UBR3: variants seen among roughly 807,000 people sequenced by gnomAD.
The protein encoded by UBR3 is ubiquitin protein ligase E3 component n-recognin 3, also known as E3 ubiquitin-protein ligase UBR3.
In UBR3, 85 loss-of-function variants were observed where a neutral mutation model predicts 243.2. The observed-to-expected ratio is 0.35, with a 90% CI of 0.29 to 0.42. The LOEUF is 0.42. Ranked by LOEUF, UBR3 falls within the 10% of genes least tolerant of loss-of-function variation. UBR3 has a pLI of 1.00. For synonymous variants in UBR3, 748 were observed against 799.8 expected, an observed-to-expected ratio of 0.94 and a Z score of 1.09; for missense variants, 1,686 against 2,300.8, an observed-to-expected ratio of 0.73 and a Z score of 5.47.
intron 5 of UBR3, among the ~76,000 whole-genome samples, chr2:169,888,109 CTTTATTTATTTATTTATTTATTTA>C (rs139609742): frequency 7.9e-5 from 11 of 138,692 alleles, no homozygotes; most frequent in Admixed American, 1.5e-4. Flanking sequence ...TGTGTTATGA[CTTTATTTATTTATTTATTTATTTA>C]TTTATTTATT....
At chr2:169,940,519 CAT>C (rs374058347) in intron 19 of UBR3, among the ~76,000 whole-genome samples, 2 of 152,224 alleles carry the variant, frequency 1.3e-5, no homozygotes, top group Non-Finnish European at 2.9e-5. Flanking sequence ...TTGCATTCTA[CAT>C]AGTCAATTTT....
chr2:169,837,352 T>C (rs1423239279), intron 1 of UBR3, among the ~76,000 whole-genome samples: 4 of 152,184 alleles, frequency 2.6e-5, no homozygotes, highest in African/African-American at 9.7e-5. Context: ...GGCGTGTGGC[T>C]GTAATCCCAG....
chr2:169,890,570 T>C (rs1289350359), intron 5 of UBR3, among the ~76,000 whole-genome samples: 1 of 108,458 alleles, frequency 9.2e-6, no homozygotes, highest in South Asian at 2.9e-4. Context: ...TATATGTGTA[T>C]ATATATATAT....
intron 32 of UBR3, among the ~76,000 whole-genome samples, chr2:170,047,130 G>A (rs2091107308): frequency 6.6e-6 from 1 of 151,932 alleles, no homozygotes; most frequent in Admixed American, 6.6e-5. Flanking sequence ...CATGTAGTTG[G>A]GACCACAGGT....
chr2:170,076,306 C>T (rs1168763354), intron 36 of UBR3, among the ~76,000 whole-genome samples: 1 of 152,218 alleles, frequency 6.6e-6, no homozygotes, highest in Non-Finnish European at 1.5e-5. Flanking sequence ...TAGTGGCCCA[C>T]TACTTTCACA....
At chr2:169,930,993 A>G (rs2086100699) in intron 18 of UBR3, among the ~76,000 whole-genome samples, 1 of 152,134 alleles carries the variant, frequency 6.6e-6, no homozygotes, top group African/African-American at 2.4e-5. Flanking sequence ...TTCCATTGCT[A>G]AGGTTGTGCA....
chr2:170,075,072 G>C (rs191053721), intron 36 of UBR3, among the ~76,000 whole-genome samples: 4 of 152,166 alleles, frequency 2.6e-5, no homozygotes, highest in Admixed American at 1.3e-4. Flanking sequence ...TGTCAGACTA[G>C]GTTTCATTTT....
intron 5 of UBR3, among the ~76,000 whole-genome samples, chr2:169,885,274 G>T (rs921873198): frequency 6.6e-6 from 1 of 152,090 alleles, no homozygotes; most frequent in African/African-American, 2.4e-5. Context: ...TATAGAGTAG[G>T]AATTGTAACA....
At chr2:169,960,060 G>A (rs2087493664) in intron 24 of UBR3, among the ~76,000 whole-genome samples, 1 of 151,990 alleles carries the variant, frequency 6.6e-6, no homozygotes, top group Non-Finnish European at 1.5e-5. Context: ...AGACCAGCCT[G>A]ACCAACATGG....
chr2:169,850,801 G>A (rs1043498346), intron 1 of UBR3, among the ~76,000 whole-genome samples: 11 of 151,088 alleles, frequency 7.3e-5, no homozygotes, highest in East Asian at 5.8e-4. Context: ...CTGAGATTGC[G>A]CCACTCCACT....
chr2:169,857,585 GTT>G (rs55952322), intron 1 of UBR3, among the ~76,000 whole-genome samples: 49 of 143,376 alleles, frequency 3.4e-4, no homozygotes, highest in South Asian at 6.7e-4. Context: ...TCTGACTAAT[GTT>G]TTTTTTTTTT....
At chr2:169,836,035 CTCTCTCTCTATATA>C (rs1419727312) in intron 1 of UBR3, among the ~76,000 whole-genome samples, 24 of 16,284 alleles carry the variant, frequency 1.5e-3, no homozygotes, top group Admixed American at 4.2e-3. Context: ...CTCTCTCTCT[CTCTCTCTCTATATA>C]TATATATATA....
intron 30 of UBR3, among the ~76,000 whole-genome samples, chr2:170,017,203 T>TA (rs76143029): frequency 1.9e-3 from 277 of 147,614 alleles, no homozygotes; most frequent in African/African-American, 4.6e-3. Flanking sequence ...GTGGTATTAT[T>TA]AAAAAAAAAA....
chr2:169,853,489 T>G (rs563959595), intron 1 of UBR3, among the ~76,000 whole-genome samples: 1 of 151,984 alleles, frequency 6.6e-6, no homozygotes, highest in East Asian at 1.9e-4. Context: ...CTCACTCTGT[T>G]GCCCAGGCTA....
intron 24 of UBR3, among the ~76,000 whole-genome samples, chr2:169,981,547 TCA>T (rs2088730755): frequency 6.6e-6 from 1 of 152,140 alleles, no homozygotes; most frequent in South Asian, 2.1e-4. Context: ...TGAGAAACTG[TCA>T]CAGTTTCTTC....
intron 19 of UBR3, among the ~76,000 whole-genome samples, chr2:169,936,680 C>A (rs773343516): frequency 6.6e-6 from 1 of 151,986 alleles, no homozygotes; most frequent in Non-Finnish European, 1.5e-5. Context: ...ACTCCCCCCA[C>A]CCCACAACAG....
intron 32 of UBR3, among the ~76,000 whole-genome samples, chr2:170,041,729 G>T (rs2090972502): frequency 6.6e-6 from 1 of 152,124 alleles, no homozygotes; most frequent in South Asian, 2.1e-4. Flanking sequence ...ACATCTATGG[G>T]TGTATAAAAG....
chr2:169,841,415 G>T (rs2105284412), intron 1 of UBR3, among the ~76,000 whole-genome samples: 1 of 152,316 alleles, frequency 6.6e-6, no homozygotes, highest in Admixed American at 6.5e-5. Context: ...CCCCTGCCTG[G>T]ACTCCCACTT....
At chr2:169,882,260 A>G (rs1353013946) in intron 5 of UBR3, among the ~76,000 whole-genome samples, 1 of 138,136 alleles carries the variant, frequency 7.2e-6, no homozygotes, top group African/African-American at 2.7e-5. Flanking sequence ...ATATATATTT[A>G]TATATATTTG....
Sources: allele counts gnomAD v4.1 joint callset (sites outside exome capture counted in the v4.1 genomes callset), GRCh38; gene constraint gnomAD v4.1.1; transcripts MANE v1.5; gene names NCBI Gene and HGNC (gene_info 2026-07-23, HGNC 2026-07-21).